XYLB: variants seen among roughly 807,000 people sequenced by gnomAD.
The protein encoded by XYLB is xylulose kinase.
XYLB carries 62 observed loss-of-function variants against 78.7 expected under a neutral mutation model. That is an observed-to-expected ratio of 0.79 (90% CI 0.64 to 0.97). The LOEUF is 0.97. Ranked by LOEUF, XYLB falls within the 50% of genes least tolerant of loss-of-function variation. The probability of loss-of-function intolerance (pLI) is 0.00; values close to 1 mark genes in which losing one functional copy is unlikely to be tolerated. For missense variants in XYLB, 687 were observed against 676.8 expected (o/e 1.02, Z -0.17); for synonymous variants, 245 against 247.4 (o/e 0.99, Z 0.09).
chr3:38,424,476 A>AT (rs572312118), downstream of XYLB, among the ~76,000 whole-genome samples: 16 of 152,350 alleles, frequency 1.1e-4, no homozygotes, highest in Non-Finnish European at 2.1e-4. Context: ...AGACAAAATT[A>AT]TTTCAATTTT....
At chr3:38,347,187 A>G (rs1261618741) in intron 1 of XYLB, among the ~76,000 whole-genome samples, 17 of 152,136 alleles carry the variant, frequency 1.1e-4, no homozygotes, top group Non-Finnish European at 1.5e-5. Context: ...AGGAAACTGC[A>G]GGCGCTCCTC....
At chr3:38,448,238 G>T in the XYLB span, among the ~76,000 whole-genome samples, 1 of 152,058 alleles carries the variant, frequency 6.6e-6, no homozygotes, top group Non-Finnish European at 1.5e-5. Context: ...GGGGTGAGTA[G>T]GGAGCTGGGG....
intron 7 of XYLB, 63 bp from the exon 8 acceptor site, chr3:38,368,122 A>T (rs1706358685): frequency 6.6e-7 from 1 of 1,514,554 alleles, no homozygotes; most frequent in Non-Finnish European, 9.2e-7. Flanking sequence ...TGTGTGTCAG[A>T]AGCATTCAGT....
Position 38,389,440 on chromosome 3 carries a change from G to A in XYLB, c.1292-6065G>A, listed in dbSNP as rs1187350820. On this transcript the variant is annotated intron_variant, in intron 15 of 18. Coordinates refer to ENST00000207870, the MANE Select transcript of XYLB (RefSeq NM_005108.4). ...AAAACCGCCATCGTCATCATGGCCC[G>A]TTCTCAATGAGCTGTTGGGTACACC... Among the ~76,000 whole-genome samples, 4 of 151,880 alleles carry A rather than the reference G, an allele frequency of 2.6e-5. No individual in the cohort carries two copies. In the South Asian group the frequency reaches 6.2e-4, roughly 24 times the overall value.
intron 8 of XYLB, 26 bp from the exon 9 acceptor site, chr3:38,370,030 T>C (rs769359473): frequency 6.3e-7 from 1 of 1,594,706 alleles, no homozygotes; most frequent in Admixed American, 1.7e-5. Context: ...CAAGATTGTC[T>C]GTTGTTTGTT....
At chr3:38,395,667 G>A in intron 16 of XYLB, 104 bp downstream of exon 16, 2 of 1,230,336 alleles carry the variant, frequency 1.6e-6, no homozygotes, top group Non-Finnish European at 2.4e-6. Context: ...CACTCCTGCA[G>A]GAATGGGGAG....
the XYLB span, among the ~76,000 whole-genome samples, chr3:38,443,988 A>G: frequency 7.3e-4 from 111 of 152,318 alleles, no homozygotes; most frequent in Non-Finnish European, 1.3e-3. Flanking sequence ...GCTGACCGGT[A>G]GGGAATTTGT....
chr3:38,376,254 A>G (rs1706850272), intron 13 of XYLB, 22 bp downstream of exon 13: 1 of 1,539,870 alleles, frequency 6.5e-7, no homozygotes, highest in Non-Finnish European at 9.0e-7. Context: ...GGTGGTGCCC[A>G]GGCCTGTGAA....
intron 15 of XYLB, among the ~76,000 whole-genome samples, chr3:38,389,367 A>G (rs1333550032): frequency 6.6e-6 from 1 of 151,750 alleles, no homozygotes; most frequent in Non-Finnish European, 1.5e-5. Context: ...CACAGCAACC[A>G]TCCGATTTCT....
chr3:38,417,331 T>C (rs983007649), downstream of XYLB, among the ~76,000 whole-genome samples: 1 of 151,994 alleles, frequency 6.6e-6, no homozygotes, highest in African/African-American at 2.4e-5. Context: ...ATGACTCTTC[T>C]AGGAATCAAG....
intron 2 of XYLB, chr3:38,356,581 TA>T (rs1559573729): frequency 6.6e-6 from 1 of 152,234 alleles, no homozygotes; most frequent in Non-Finnish European, 1.5e-5. Context: ...GCTTTCTTTT[TA>T]AAAAATTTTC....
At chr3:38,381,471 G>A (rs905947224) in intron 15 of XYLB, among the ~76,000 whole-genome samples, 1 of 152,212 alleles carries the variant, frequency 6.6e-6, no homozygotes, top group Admixed American at 6.5e-5. Flanking sequence ...AATTGTTCAG[G>A]GAATAAGAGA....
At chr3:38,451,654 C>CAAA in the XYLB span, 1 of 150,612 alleles carries the variant, frequency 6.6e-6, no homozygotes, top group Admixed American at 6.7e-5. Flanking sequence ...ACAAAAACAA[C>CAAA]TGTCTATGGG....
At chr3:38,412,503 G>T (rs191993320) in intron 18 of XYLB, among the ~76,000 whole-genome samples, 2 of 152,278 alleles carry the variant, frequency 1.3e-5, no homozygotes, top group East Asian at 3.9e-4. Flanking sequence ...ACCCTTGGTG[G>T]ACTTGGCATC....
At chr3:38,441,715 G>T in the XYLB span, among the ~76,000 whole-genome samples, 2 of 152,138 alleles carry the variant, frequency 1.3e-5, no homozygotes, top group Non-Finnish European at 2.9e-5. Context: ...TTCTTTTCTT[G>T]TATTATTTTG....
chr3:38,380,445 GTC>G (rs1467228854), intron 15 of XYLB, among the ~76,000 whole-genome samples: 1 of 152,186 alleles, frequency 6.6e-6, no homozygotes, highest in African/African-American at 2.4e-5. Flanking sequence ...AGATGTATTT[GTC>G]TCTCTGGGCT....
intron 18 of XYLB, among the ~76,000 whole-genome samples, chr3:38,406,793 A>G (rs964069046): frequency 6.6e-6 from 1 of 152,244 alleles, no homozygotes; most frequent in African/African-American, 2.4e-5. Flanking sequence ...GTGATGGAAG[A>G]TGAAATGAAT....
At chr3:38,357,537 C>G (rs1418614799) in intron 2 of XYLB, among the ~76,000 whole-genome samples, 4 of 152,162 alleles carry the variant, frequency 2.6e-5, no homozygotes, top group Non-Finnish European at 1.5e-5. Context: ...CAGGCACCCG[C>G]CACCACGCCT....
At chr3:38,358,857 A>T (rs971081418) in intron 2 of XYLB, among the ~76,000 whole-genome samples, 1 of 152,236 alleles carries the variant, frequency 6.6e-6, no homozygotes, top group Non-Finnish European at 1.5e-5. Context: ...AAAATGTATA[A>T]TTAAAGGTAC....
Sources: allele counts gnomAD v4.1 joint callset (sites outside exome capture counted in the v4.1 genomes callset), GRCh38; gene constraint gnomAD v4.1.1; transcripts MANE v1.5; gene names NCBI Gene and HGNC (gene_info 2026-07-23, HGNC 2026-07-21).